The following PCDH15 variants were observed in gnomAD, a reference collection of about 807,000 sequenced individuals.
PCDH15 encodes protocadherin-15.
In PCDH15, 129 loss-of-function variants were observed where a neutral mutation model predicts 178.5. The ratio of observed to expected loss-of-function variants is 0.72; its 90% CI spans 0.63 to 0.84. The LOEUF (loss-of-function observed/expected upper bound fraction) is 0.84. Ranked by LOEUF, PCDH15 falls within the 40% of genes least tolerant of loss-of-function variation. The pLI is 0.00. For synonymous variants in PCDH15, 800 were observed against 732.0 expected (o/e 1.09, Z -1.50); for missense variants, 2,230 against 2,099.9 (o/e 1.06, Z -1.21).
intron 1 of PCDH15, among the ~76,000 whole-genome samples, chr10:54,785,109 AAC>A (rs1350573639): frequency 6.6e-6 from 1 of 152,050 alleles, no homozygotes; most frequent in East Asian, 1.9e-4. Context: ...GAGCAGGCAA[AAC>A]ACAAAAAGGA....
At chr10:53,989,021 CTG>C (rs1231865133) in intron 21 of PCDH15, among the ~76,000 whole-genome samples, 1 of 152,132 alleles carries the variant, frequency 6.6e-6, no homozygotes, top group African/African-American at 2.4e-5. Context: ...AAAACTAAAA[CTG>C]AGATACAGAA....
chr10:53,943,442 C>T (rs1320320748), intron 23 of PCDH15, among the ~76,000 whole-genome samples: 2 of 151,864 alleles, frequency 1.3e-5, no homozygotes, highest in Non-Finnish European at 2.9e-5. Context: ...CGCCACTGCA[C>T]TACAGTCTGG....
chr10:54,445,226 A>T (rs182535207), intron 3 of PCDH15, among the ~76,000 whole-genome samples: 1 of 151,458 alleles, frequency 6.6e-6, no homozygotes, highest in Non-Finnish European at 1.5e-5. Flanking sequence ...GTGTATGTAA[A>T]AATTTACCCA....
At chr10:53,906,723 CA>C (rs1323712120) in intron 25 of PCDH15, among the ~76,000 whole-genome samples, 1 of 151,818 alleles carries the variant, frequency 6.6e-6, no homozygotes, top group East Asian at 1.9e-4. Context: ...TTTAAAGCAG[CA>C]GATGTTTGAT....
At chr10:54,233,470 C>T (rs1283898013) in intron 9 of PCDH15, among the ~76,000 whole-genome samples, 1 of 152,192 alleles carries the variant, frequency 6.6e-6, no homozygotes, top group Non-Finnish European at 1.5e-5. Context: ...TTTCTAATTG[C>T]ATTCCATTTT....
chr10:54,567,799 T>C (rs1050183065), intron 2 of PCDH15, among the ~76,000 whole-genome samples: 1 of 152,120 alleles, frequency 6.6e-6, no homozygotes, highest in African/African-American at 2.4e-5. Flanking sequence ...AGTAACTTTA[T>C]TGAGATGTCA....
intron 1 of PCDH15, among the ~76,000 whole-genome samples, chr10:55,314,183 TTA>T (rs1036385007): frequency 1.5e-5 from 2 of 132,142 alleles, no homozygotes; most frequent in African/African-American, 6.6e-5. Context: ...TATATATACA[TTA>T]TATATGTTTG....
intron 20 of PCDH15, 129 bp downstream of exon 20, chr10:54,020,063 T>C (rs1032393859): frequency 5.2e-5 from 38 of 737,688 alleles, no homozygotes; most frequent in Middle Eastern, 3.0e-4. Context: ...GGAAAATCTA[T>C]GTTATGGGTC....
chr10:54,131,460 T>C (rs1247218881), intron 15 of PCDH15, among the ~76,000 whole-genome samples: 1 of 152,200 alleles, frequency 6.6e-6, no homozygotes, highest in Admixed American at 6.5e-5. Context: ...CTATTCTTTA[T>C]CATTACAATA....
intron 3 of PCDH15, among the ~76,000 whole-genome samples, chr10:54,500,011 A>C: frequency 6.6e-6 from 1 of 152,202 alleles, no homozygotes; most frequent in East Asian, 1.9e-4. Context: ...TCATTGCAGC[A>C]GTATTCACTA....
chr10:53,911,289 C>T (rs970594581), intron 25 of PCDH15, among the ~76,000 whole-genome samples: 1 of 152,186 alleles, frequency 6.6e-6, no homozygotes, highest in African/African-American at 2.4e-5. Flanking sequence ...CAAATTATAA[C>T]TCAGGATTAA....
chr10:55,336,802 C>A (rs1844408420), intron 2 of PCDH15, among the ~76,000 whole-genome samples: 1 of 152,092 alleles, frequency 6.6e-6, no homozygotes, highest in Non-Finnish European at 1.5e-5. Context: ...TTTCTGAAGG[C>A]TCCCGTGTTA....
intron 2 of PCDH15, among the ~76,000 whole-genome samples, chr10:54,589,286 C>G (rs2091722729): frequency 6.6e-6 from 1 of 151,980 alleles, no homozygotes; most frequent in South Asian, 2.1e-4. Context: ...ATTCTGAGAC[C>G]TTAATATTTC....
At chr10:54,513,885 A>G (rs530192812) in intron 3 of PCDH15, among the ~76,000 whole-genome samples, 1 of 152,216 alleles carries the variant, frequency 6.6e-6, no homozygotes, top group African/African-American at 2.4e-5. Flanking sequence ...ATTGCATGTA[A>G]TATAATGATC....
intron 1 of PCDH15, among the ~76,000 whole-genome samples, chr10:55,260,283 C>T (rs554317618): frequency 6.6e-6 from 1 of 151,810 alleles, no homozygotes; most frequent in South Asian, 2.1e-4. Flanking sequence ...TTGATTATTT[C>T]TGTTTTCTTA....
At chr10:55,057,408 T>C (rs1841331913) in intron 2 of PCDH15, among the ~76,000 whole-genome samples, 1 of 152,200 alleles carries the variant, frequency 6.6e-6, no homozygotes, top group African/African-American at 2.4e-5. Context: ...TTTGTCATTA[T>C]TTTATTTCCA....
chr10:54,822,928 C>T (rs1043734546), intron 3 of PCDH15, among the ~76,000 whole-genome samples: 4 of 151,906 alleles, frequency 2.6e-5, no homozygotes, highest in African/African-American at 9.7e-5. Flanking sequence ...GTTGCCCAGG[C>T]TGGAGTGCAG....
chr10:54,832,375 AC>A (rs1953239683), intron 3 of PCDH15, among the ~76,000 whole-genome samples: 4 of 152,312 alleles, frequency 2.6e-5, no homozygotes, highest in South Asian at 4.1e-4. Flanking sequence ...TACTTTAATT[AC>A]CAATTTAATT....
chr10:54,948,396 A>G (rs1014839962), intron 2 of PCDH15, among the ~76,000 whole-genome samples: 2 of 151,980 alleles, frequency 1.3e-5, no homozygotes, highest in African/African-American at 4.8e-5. Flanking sequence ...TAGAGAGGTC[A>G]ATCTGCTTTA....
Sources: gnomAD v4.1 joint callset for allele counts (sites outside exome capture counted in the v4.1 genomes callset) on GRCh38, gnomAD v4.1.1 for gene constraint, MANE v1.5 for transcripts, NCBI Gene and HGNC (gene_info 2026-07-23, HGNC 2026-07-21) for gene names.